MYO9A: variants seen among roughly 807,000 people sequenced by gnomAD.
MYO9A encodes unconventional myosin-IXa.
A neutral mutation model predicts 293.3 loss-of-function variants in MYO9A; 103 were observed. The ratio of observed to expected loss-of-function variants is 0.35; its 90% CI spans 0.30 to 0.41. MYO9A has a LOEUF of 0.41. MYO9A is among the 10% of genes least tolerant of loss of function. MYO9A has a pLI of 1.00. For synonymous variants in MYO9A, 1,001 were observed against 1,035.7 expected (o/e 0.97, Z 0.64); for missense variants, 2,685 against 3,033.0 (o/e 0.89, Z 2.69).
chr15:71,928,433 T>C (rs2058386843), intron 18 of MYO9A, among the ~76,000 whole-genome samples: 1 of 151,988 alleles, frequency 6.6e-6, no homozygotes, highest in South Asian at 2.1e-4. Context: ...TGGGGTTTTT[T>C]TGTGTATTCA....
intron 2 of MYO9A, among the ~76,000 whole-genome samples, chr15:72,033,459 T>G (rs747205106): frequency 2.0e-5 from 3 of 152,180 alleles, no homozygotes; most frequent in Non-Finnish European, 4.4e-5. Flanking sequence ...ACCCAAAGTA[T>G]GTACCTTACA....
chr15:71,826,749 A>C lies in MYO9A; in HGVS notation c.7478T>G (p.Phe2493Cys). Residue 2493 changes from phenylalanine to cysteine, a missense_variant, in exon 42 of 42, where the codon TTC (phenylalanine) becomes TGC (cysteine). Transcript: ENST00000356056. ...DKPQFISRGT[F>C]NPEKGKQKLK... is the part of the protein sequence containing the mutation. ...TTTTTGTTTGCCCTTTTCCGGGTTGAAGGTTCCTCTGCTGATGAACTGAGG... is the reference window on the plus strand; with the variant it reads ...TTTTTGTTTGCCCTTTTCCGGGTTGCAGGTTCCTCTGCTGATGAACTGAGG... The C allele has an allele frequency of 6.2e-7, 1 of 1,614,090 alleles. No homozygotes were observed. Among genetic ancestry groups the C allele is most frequent in the Non-Finnish European group, 8.5e-7 (1 of 1,179,982 alleles).
rs533128351 is a variant in MYO9A, at chr15:71,972,962, T to A, written c.1845-4837A>T. 3.9e-5 allele frequency among the ~76,000 whole-genome samples: 6 copies of A among 152,288 alleles called. No individual in the cohort carries two copies. In the East Asian group the frequency reaches 1.2e-3, roughly 29 times the overall value. On this transcript the variant is annotated intron_variant, in intron 12 of 41. Transcript: ENST00000356056. Reference sequence around the variant, plus strand: ...AATAAGAAAAAAAATGAACTGGCTGTTATAAATAAATAGCCATAAAACTAG... The same window carrying A: ...AATAAGAAAAAAAATGAACTGGCTGATATAAATAAATAGCCATAAAACTAG...
At position 72,006,455 on chromosome 15, in the gene MYO9A, T is replaced by C. The variant is rs2077020185; in HGVS notation, c.1380+1371A>G. 5.3e-5 allele frequency among the ~76,000 whole-genome samples: 8 copies of C among 152,250 alleles called. No individual in the cohort carries two copies. In the South Asian group the frequency reaches 1.5e-3, roughly 28 times the overall value. On this transcript the variant is annotated intron_variant, in intron 8 of 41. Coordinates refer to ENST00000356056, the MANE Select transcript of MYO9A (RefSeq NM_006901.4). Reference sequence around the variant, plus strand: ...CAAATCAGTCTGAAAAATCTACATATTGCATGATTCAATTATATTACATCC... The same window carrying C: ...CAAATCAGTCTGAAAAATCTACATACTGCATGATTCAATTATATTACATCC...
chr15:71,893,635 TC>T, intron 26 of MYO9A, 43 bp downstream of exon 26: 2 of 1,446,364 alleles, frequency 1.4e-6, no homozygotes, highest in Non-Finnish European at 1.9e-6. Flanking sequence ...ATAATGTACA[TC>T]TCTTTTGTAT....
At chr15:71,936,313 A>C (rs760267921) in intron 16 of MYO9A, among the ~76,000 whole-genome samples, 5 of 152,148 alleles carry the variant, frequency 3.3e-5, no homozygotes, top group Admixed American at 6.5e-5. Context: ...AGAGACTGGA[A>C]AAGGTAATGA....
At chr15:72,087,467 T>A (rs567237076) in intron 1 of MYO9A, among the ~76,000 whole-genome samples, 161 of 152,228 alleles carry the variant, frequency 1.1e-3, no homozygotes, top group Non-Finnish European at 1.5e-3. Flanking sequence ...GTTTGAGGGA[T>A]CTCCTCCTGC....
chr15:71,833,642 C>T lies in MYO9A; in HGVS notation c.6838-3331G>A, dbSNP rs187554868. Reference sequence around the variant, plus strand: ...TAACTAGAGAATACTCATTTTAAAGCGCACACAGCAAGACAACAAAATTCC... The same window carrying T: ...TAACTAGAGAATACTCATTTTAAAGTGCACACAGCAAGACAACAAAATTCC... On this transcript the variant is annotated intron_variant, in intron 39 of 41. Coordinates refer to ENST00000356056, the MANE Select transcript of MYO9A (RefSeq NM_006901.4). Among the ~76,000 whole-genome samples the T allele has an allele frequency of 1.4e-4, 22 of 152,062 alleles. 1 individual carries two copies. The East Asian group carries it at 3.7e-3, about 25-fold the overall frequency.
chr15:71,939,095 G>GT, intron 15 of MYO9A, 168 bp from the exon 16 acceptor site: 1 of 516,072 alleles, frequency 1.9e-6, no homozygotes, highest in Non-Finnish European at 3.4e-6. Context: ...ATAGATCTTA[G>GT]TTAACAATGA....
intron 39 of MYO9A, among the ~76,000 whole-genome samples, chr15:71,840,979 C>G (rs2055137874): frequency 6.6e-6 from 1 of 152,104 alleles, no homozygotes; most frequent in Non-Finnish European, 1.5e-5. Context: ...TAAGTGTGTT[C>G]TTTGGTATTT....
intron 25 of MYO9A, chr15:71,896,762 AGAGT>A (rs2057340569): frequency 6.6e-6 from 1 of 151,884 alleles, no homozygotes; most frequent in Non-Finnish European, 1.5e-5. Flanking sequence ...CCTGGGTGAC[AGAGT>A]GAGACTCCAT....
intron 23 of MYO9A, 24 bp from the exon 24 acceptor site, chr15:71,900,030 A>G (rs776422547): frequency 1.9e-6 from 3 of 1,575,888 alleles, no homozygotes; most frequent in Non-Finnish European, 2.6e-6. Context: ...AAAATAACAG[A>G]AACTGGTTGT....
intron 19 of MYO9A, among the ~76,000 whole-genome samples, chr15:71,910,113 C>T (rs1026260892): frequency 4.0e-5 from 5 of 125,382 alleles, no homozygotes; most frequent in Admixed American, 8.1e-5. Flanking sequence ...TATATATATA[C>T]GTGTATATAT....
In MYO9A at chr15:71,880,341, C is replaced by G; in HGVS notation, c.5616G>C (p.Leu1872=). ...CGTGGCAAATAAAGTGTACCTTTTT[C>G]AGAAGAAATTCATCCATGCTTTTTA... The part of the protein sequence containing the change: ...SDLKSMDEFL[L]KKVNDLDNED... The change falls in exon 29 of 42, where the codon CTG becomes CTC. Residue 1872 remains leucine (L), a synonymous_variant. Transcript: ENST00000356056. The G allele has an allele frequency of 6.2e-7, 1 of 1,613,988 alleles. No individual in the cohort carries two copies.
At chr15:71,929,780 T>C (rs2058425789) in intron 18 of MYO9A, among the ~76,000 whole-genome samples, 1 of 152,218 alleles carries the variant, frequency 6.6e-6, no homozygotes, top group Non-Finnish European at 1.5e-5. Context: ...GTGTTTTTGG[T>C]AGAACAATTT....
At chr15:71,856,943 C>T (rs2055888383) in intron 34 of MYO9A, among the ~76,000 whole-genome samples, 1 of 152,144 alleles carries the variant, frequency 6.6e-6, no homozygotes, top group Non-Finnish European at 1.5e-5. Context: ...TGAACATACA[C>T]AGCATGACAA....
chr15:71,978,917 T>C (rs1243431078), intron 11 of MYO9A, among the ~76,000 whole-genome samples: 1 of 152,160 alleles, frequency 6.6e-6, no homozygotes, highest in African/African-American at 2.4e-5. Flanking sequence ...TATTCTTCTA[T>C]TCATCCTTGT....
chr15:72,045,660 A>AC (rs544768251), intron 2 of MYO9A, 64 bp downstream of exon 2: 71 of 1,478,456 alleles, frequency 4.8e-5, no homozygotes, highest in Middle Eastern at 3.7e-4. Flanking sequence ...GGAATGGTAC[A>AC]CCCCCCCACC....
intron 6 of MYO9A, among the ~76,000 whole-genome samples, chr15:72,017,563 CAA>C (rs988860633): frequency 1.3e-5 from 2 of 152,028 alleles, no homozygotes; most frequent in African/African-American, 2.4e-5. Flanking sequence ...ATTTATATGT[CAA>C]GTGTTTTTTT....
Sources: gnomAD v4.1 joint callset for allele counts (sites outside exome capture counted in the v4.1 genomes callset) on GRCh38, gnomAD v4.1.1 for gene constraint, MANE v1.5 for transcripts, NCBI Gene and HGNC (gene_info 2026-07-23, HGNC 2026-07-21) for gene names.